EDA: variants seen among roughly 807,000 people sequenced by gnomAD.
The protein encoded by EDA is ectodysplasin-A.
Under a neutral mutation model 23.6 loss-of-function variants are expected in EDA, and 2 were observed. That is an observed-to-expected ratio of 0.08 (90% CI 0.03 to 0.27). EDA has a LOEUF of 0.27. EDA is among the 10% of genes least tolerant of loss of function. EDA has a pLI of 1.00. For synonymous variants in EDA, 131 were observed against 132.0 expected, an observed-to-expected ratio of 0.99 and a Z score of 0.05; for missense variants, 229 against 324.2, an observed-to-expected ratio of 0.71 and a Z score of 2.26.
At chrX:69,619,786 G>A (rs1206719392) in intron 1 of EDA, among the ~76,000 whole-genome samples, 1 of 112,030 alleles carries the variant, frequency 8.9e-6, no homozygotes, top group East Asian at 2.8e-4. Flanking sequence ...TCATTCTGTG[G>A]AGATGTTGCG....
chrX:69,831,208 T>G (rs914198167), intron 1 of EDA, among the ~76,000 whole-genome samples: 15 of 111,192 alleles, frequency 1.3e-4, no homozygotes, highest in Non-Finnish European at 2.6e-4. Context: ...ATGCTATACC[T>G]CCCCCAGCCC....
At chrX:69,636,849 T>C (rs1311031335) in intron 1 of EDA, among the ~76,000 whole-genome samples, 4 of 111,410 alleles carry the variant, frequency 3.6e-5, no homozygotes, top group African/African-American at 1.3e-4. Flanking sequence ...GTGCTCTGTC[T>C]GTCAGACATC....
intron 2 of EDA, among the ~76,000 whole-genome samples, chrX:69,957,829 G>T (rs1398394310): frequency 3.6e-5 from 4 of 112,107 alleles, no homozygotes; most frequent in Admixed American, 2.8e-4. Flanking sequence ...CTTACATGAT[G>T]TGTTAATTCC....
chrX:69,942,975 AG>A (rs758067267), intron 1 of EDA, among the ~76,000 whole-genome samples: 187 of 110,593 alleles, frequency 1.7e-3, no homozygotes, highest in African/African-American at 5.9e-3. Context: ...CAATTCTGCT[AG>A]TAAGAGACTC....
At chrX:69,762,212 G>A (rs2014330268) in intron 1 of EDA, among the ~76,000 whole-genome samples, 1 of 111,742 alleles carries the variant, frequency 8.9e-6, no homozygotes, top group South Asian at 3.7e-4. Flanking sequence ...GTGAATAGTA[G>A]TCTAGATGCC....
At chrX:69,933,676 CAA>C (rs5902665) in intron 1 of EDA, among the ~76,000 whole-genome samples, 24 of 102,840 alleles carry the variant, frequency 2.3e-4, no homozygotes, top group Middle Eastern at 4.9e-3. Flanking sequence ...GAGACCATCT[CAA>C]AAAAAAAAAA....
In EDA at chrX:70,037,811, G is replaced by C. The variant is rs996834260; in HGVS notation, c.*2202G>C. 8.9e-6 allele frequency: 1 copy of C among 111,965 alleles called. No individual in the cohort carries two copies. The highest frequency in any genetic ancestry group is 3.2e-5 in the African/African-American group (1 of 30,782). 9.2% of individuals were successfully genotyped at this position (111,965 alleles called of 1,213,427 possible). ...GGCAAAAAGAGTCAGACATTTCTTTGGAAAACAGCGAACAGCCTTAGAGCT... is the reference window on the plus strand; with the variant it reads ...GGCAAAAAGAGTCAGACATTTCTTTCGAAAACAGCGAACAGCCTTAGAGCT... On this transcript the variant is annotated 3_prime_UTR_variant, in exon 8 of 8. Coordinates refer to ENST00000374552, the MANE Select transcript of EDA (RefSeq NM_001399.5).
At chrX:69,712,393 G>A (rs1488596546) in intron 1 of EDA, among the ~76,000 whole-genome samples, 1 of 111,236 alleles carries the variant, frequency 9.0e-6, no homozygotes, top group South Asian at 3.8e-4. Context: ...ATCAAAAAGT[G>A]GGCGAAGGAT....
chrX:69,648,446 T>C, intron 1 of EDA, among the ~76,000 whole-genome samples: 1 of 112,018 alleles, frequency 8.9e-6, no homozygotes, highest in Admixed American at 9.4e-5. Flanking sequence ...TGGATCAGGG[T>C]CCCACTTAAA....
At chrX:70,022,432 G>A (rs908040516) in intron 2 of EDA, among the ~76,000 whole-genome samples, 5 of 109,560 alleles carry the variant, frequency 4.6e-5, no homozygotes, top group Non-Finnish European at 7.6e-5. Context: ...CACCTCCCAG[G>A]TTCACGCCAT....
At chrX:69,875,977 CAAAAAAT>C (rs1415132635) in intron 1 of EDA, among the ~76,000 whole-genome samples, 2 of 111,477 alleles carry the variant, frequency 1.8e-5, no homozygotes, top group African/African-American at 6.5e-5. Flanking sequence ...ATCAAAAAAT[CAAAAAAT>C]AAGAGATATT....
chrX:69,773,367 G>A, intron 1 of EDA, among the ~76,000 whole-genome samples: 1 of 111,760 alleles, frequency 8.9e-6, no homozygotes, highest in Non-Finnish European at 1.9e-5. Flanking sequence ...ATACTGCTAT[G>A]AGCATTGGTG....
intron 1 of EDA, among the ~76,000 whole-genome samples, chrX:69,661,669 T>A (rs1933512766): frequency 1.8e-5 from 2 of 111,111 alleles, no homozygotes; most frequent in Non-Finnish European, 3.8e-5. Context: ...ATGTGTGGTA[T>A]TATTTCTGAG....
chrX:69,974,650 C>CT (rs1351276033), intron 2 of EDA, among the ~76,000 whole-genome samples: 1 of 111,817 alleles, frequency 8.9e-6, no homozygotes, highest in African/African-American at 3.2e-5. Flanking sequence ...AACTATACAT[C>CT]TGACAAAGGT....
At chrX:69,914,998 A>G (rs764945730) in intron 1 of EDA, among the ~76,000 whole-genome samples, 2 of 112,233 alleles carry the variant, frequency 1.8e-5, no homozygotes, top group East Asian at 5.6e-4. Flanking sequence ...ATTATATCCC[A>G]GCAACATCTT....
rs923169585 is a variant in EDA, at chrX:70,015,433, C to T, written c.503-7785C>T. Among the ~76,000 whole-genome samples the T allele has an allele frequency of 5.4e-5, 6 of 111,129 alleles. No homozygotes were observed. The South Asian group carries it at 1.5e-3, about 28-fold the overall frequency. On this transcript the variant is annotated intron_variant, in intron 2 of 7. Coordinates refer to ENST00000374552, the MANE Select transcript of EDA (RefSeq NM_001399.5). The stretch of plus-strand genomic sequence containing the variant: ...ACTAAAAATACAAAAATTAGTCGGG[C>T]ATGGTGGTGCATGCCTGTAATCCCA...
At chrX:69,968,874 A>T (rs2019210615) in intron 2 of EDA, among the ~76,000 whole-genome samples, 1 of 112,248 alleles carries the variant, frequency 8.9e-6, no homozygotes, top group African/African-American at 3.2e-5. Flanking sequence ...TGTAATTAAC[A>T]TGTTCACAAA....
At chrX:69,882,058 C>A (rs2017756357) in intron 1 of EDA, among the ~76,000 whole-genome samples, 1 of 111,861 alleles carries the variant, frequency 8.9e-6, no homozygotes, top group African/African-American at 3.3e-5. Flanking sequence ...AACACCCAAA[C>A]TATCTCAACT....
At position 70,038,594 on chromosome X, in the gene EDA, C is replaced by T. The variant is rs1317883272; in HGVS notation, c.*2985C>T. ...CAAAAGACAGCTGGCGGAGGCTGCT[C>T]GGCTACTGGTTACCTGGAGAAGTAG... is the stretch of plus-strand genomic sequence containing the variant. On this transcript the variant is annotated 3_prime_UTR_variant, in exon 8 of 8. Transcript: ENST00000374552. 9.0e-6 allele frequency: 1 copy of T among 111,183 alleles called. No individual in the cohort carries two copies. Among genetic ancestry groups the T allele is most frequent in the African/African-American group, 3.3e-5 (1 of 30,466 alleles). 9.2% of individuals were successfully genotyped at this position (111,183 alleles called of 1,213,427 possible).
Sources: allele counts gnomAD v4.1 joint callset (sites outside exome capture counted in the v4.1 genomes callset), GRCh38; gene constraint gnomAD v4.1.1; transcripts MANE v1.5; gene names NCBI Gene and HGNC (gene_info 2026-07-23, HGNC 2026-07-21).